PTPRD: variants seen among roughly 807,000 people sequenced by gnomAD.
PTPRD encodes the protein protein tyrosine phosphatase receptor type D, also known as receptor-type tyrosine-protein phosphatase delta.
PTPRD carries 34 observed loss-of-function variants against 214.5 expected under a neutral mutation model. That is an observed-to-expected ratio of 0.16 (90% CI 0.12 to 0.21). The LOEUF is 0.21. Ranked by LOEUF, PTPRD falls within the 10% of genes least tolerant of loss-of-function variation. The pLI, the probability that PTPRD is intolerant of heterozygous loss-of-function variation, is 1.00. For missense variants in PTPRD, 2,545 were observed against 2,398.7 expected (o/e 1.06, Z -1.27); for synonymous variants, 1,128 against 845.7 (o/e 1.33, Z -5.79).
At chr9:8,783,564 G>A (rs373213927) in intron 11 of PTPRD, among the ~76,000 whole-genome samples, 26 of 152,202 alleles carry the variant, frequency 1.7e-4, no homozygotes, top group Admixed American at 5.2e-4. Context: ...ACTTGTCAAC[G>A]GTGACATTGT....
intron 10 of PTPRD, among the ~76,000 whole-genome samples, chr9:9,160,372 G>C (rs755838343): frequency 1.3e-5 from 2 of 152,086 alleles, no homozygotes; most frequent in Admixed American, 6.6e-5. Context: ...ATGGGCAAAG[G>C]ATTTGAAAAC....
intron 3 of PTPRD, among the ~76,000 whole-genome samples, chr9:10,143,937 C>G (rs1162800644): frequency 6.6e-6 from 1 of 152,028 alleles, no homozygotes; most frequent in Non-Finnish European, 1.5e-5. Context: ...CATTCAGAAA[C>G]TACCTATTAG....
chr9:8,666,120 A>AT (rs1410542336), intron 12 of PTPRD, among the ~76,000 whole-genome samples: 1 of 151,734 alleles, frequency 6.6e-6, no homozygotes, highest in African/African-American at 2.4e-5. Flanking sequence ...AGAATATGCT[A>AT]TTTTGTCCAT....
intron 2 of PTPRD, among the ~76,000 whole-genome samples, chr9:10,497,015 G>A (rs1184045767): frequency 6.6e-6 from 1 of 151,990 alleles, no homozygotes; most frequent in Non-Finnish European, 1.5e-5. Context: ...GATGCAGATG[G>A]TGGCCATAAT....
At chr9:9,805,053 GAAGTT>G (rs2099064324) in intron 5 of PTPRD, among the ~76,000 whole-genome samples, 1 of 152,020 alleles carries the variant, frequency 6.6e-6, no homozygotes, top group South Asian at 2.1e-4. Flanking sequence ...TAGGGACTTT[GAAGTT>G]AAGTGTAAAC....
intron 11 of PTPRD, among the ~76,000 whole-genome samples, chr9:8,996,852 A>T (rs991708853): frequency 6.6e-6 from 1 of 151,920 alleles, no homozygotes; most frequent in Non-Finnish European, 1.5e-5. Flanking sequence ...ATTTTGGGGG[A>T]TATAACATTT....
At chr9:10,202,361 G>A (rs1019545955) in intron 3 of PTPRD, among the ~76,000 whole-genome samples, 5 of 151,686 alleles carry the variant, frequency 3.3e-5, no homozygotes, top group Admixed American at 2.6e-4. Flanking sequence ...TCATGTTATT[G>A]AACAGATTCC....
intron 9 of PTPRD, among the ~76,000 whole-genome samples, chr9:9,303,470 G>C (rs1463810953): frequency 6.6e-6 from 1 of 151,990 alleles, no homozygotes; most frequent in Admixed American, 6.6e-5. Context: ...TTGGGACAAA[G>C]TTATGCCGTA....
At chr9:9,465,441 A>G (rs2094058980) in intron 8 of PTPRD, among the ~76,000 whole-genome samples, 1 of 152,216 alleles carries the variant, frequency 6.6e-6, no homozygotes, top group African/African-American at 2.4e-5. Flanking sequence ...TTTGAGTCAG[A>G]GGAGTCCATT....
At chr9:10,270,866 T>G (rs1352453890) in intron 3 of PTPRD, among the ~76,000 whole-genome samples, 3 of 152,212 alleles carry the variant, frequency 2.0e-5, no homozygotes, top group African/African-American at 7.2e-5. Context: ...TTTTTATGTT[T>G]CTTTTGTAGT....
chr9:9,346,089 G>A (rs1412997709), intron 9 of PTPRD, among the ~76,000 whole-genome samples: 3 of 152,142 alleles, frequency 2.0e-5, no homozygotes, highest in East Asian at 1.9e-4. Flanking sequence ...TGCTGTGGAA[G>A]TCTCTCACAC....
intron 27 of PTPRD, chr9:8,486,586 T>G (rs1194724285): frequency 1.5e-6 from 1 of 659,536 alleles, no homozygotes; most frequent in Non-Finnish European, 2.8e-6. Flanking sequence ...AAATTATCAT[T>G]GAAACAACAG....
chr9:9,177,845 T>G (rs1213034064), intron 10 of PTPRD, among the ~76,000 whole-genome samples: 1 of 152,168 alleles, frequency 6.6e-6, no homozygotes, highest in Admixed American at 6.6e-5. Context: ...GAGTTAATTT[T>G]AAAAGCTAAA....
At chr9:8,784,791 A>G (rs917435511) in intron 11 of PTPRD, among the ~76,000 whole-genome samples, 4 of 152,154 alleles carry the variant, frequency 2.6e-5, no homozygotes, top group Admixed American at 1.3e-4. Flanking sequence ...AATGTCTGCT[A>G]CTAAAAAGTT....
At chr9:10,587,909 T>C (rs1434684586) in intron 2 of PTPRD, among the ~76,000 whole-genome samples, 1 of 151,900 alleles carries the variant, frequency 6.6e-6, no homozygotes, top group Non-Finnish European at 1.5e-5. Flanking sequence ...GGCCCCAAAA[T>C]GGAATTAAAG....
intron 2 of PTPRD, among the ~76,000 whole-genome samples, chr9:10,526,536 T>G (rs1330073297): frequency 6.6e-6 from 1 of 152,104 alleles, no homozygotes; most frequent in Non-Finnish European, 1.5e-5. Flanking sequence ...ATTTTGAAGG[T>G]AGTTATACAA....
intron 9 of PTPRD, among the ~76,000 whole-genome samples, chr9:9,226,655 T>C (rs895992112): frequency 4.6e-5 from 7 of 152,094 alleles, no homozygotes; most frequent in Non-Finnish European, 8.8e-5. Context: ...GGGTAAACAG[T>C]TGGAATGAGC....
At chr9:9,985,908 G>A (rs868303072) in intron 4 of PTPRD, among the ~76,000 whole-genome samples, 1 of 151,980 alleles carries the variant, frequency 6.6e-6, no homozygotes, top group Admixed American at 6.6e-5. Context: ...TTCTAACCAT[G>A]AAAACTAATG....
chr9:8,606,168 G>A (rs2095199579), intron 14 of PTPRD, among the ~76,000 whole-genome samples: 1 of 152,106 alleles, frequency 6.6e-6, no homozygotes, highest in African/African-American at 2.4e-5. Context: ...AGGAAAGGAG[G>A]AAGGAGGTTC....
Sources: allele counts gnomAD v4.1 joint callset (sites outside exome capture counted in the v4.1 genomes callset), GRCh38; gene constraint gnomAD v4.1.1; transcripts MANE v1.5; gene names NCBI Gene and HGNC (gene_info 2026-07-23, HGNC 2026-07-21).